Variants in RERE observed in about 807,000 individuals in gnomAD.
RERE encodes the protein arginine-glutamic acid dipeptide repeats, also known as arginine-glutamic acid dipeptide repeats protein.
In RERE, 40 loss-of-function variants were observed where a neutral mutation model predicts 146.1. The ratio of observed to expected loss-of-function variants is 0.27; its 90% confidence interval spans 0.21 to 0.36. RERE has a LOEUF of 0.36. RERE is among the 10% of genes least tolerant of loss of function. The pLI is 1.00. For missense variants in RERE, 1,933 were observed against 2,138.7 expected (o/e 0.90, Z 1.90); for synonymous variants, 1,003 against 866.0 (o/e 1.16, Z -2.78).
chr1:8,777,154 A>T (rs1641079831), intron 1 of RERE, among the ~76,000 whole-genome samples: 2 of 152,350 alleles, frequency 1.3e-5, no homozygotes, highest in South Asian at 4.1e-4. Flanking sequence ...AGAACACGAA[A>T]GAAAGTTATC....
chr1:8,403,988 G>A (rs546646127), intron 12 of RERE, among the ~76,000 whole-genome samples: 1 of 151,622 alleles, frequency 6.6e-6, no homozygotes, highest in African/African-American at 2.4e-5. Context: ...GCGTCACCAC[G>A]TCCAGCTAAT....
chr1:8,685,937 A>T (rs779832410), intron 1 of RERE, among the ~76,000 whole-genome samples: 4 of 152,106 alleles, frequency 2.6e-5, no homozygotes, highest in Non-Finnish European at 5.9e-5. Context: ...GAAGGCAGCT[A>T]AGTAGGTCTG....
intron 12 of RERE, among the ~76,000 whole-genome samples, chr1:8,418,523 A>AGGAGCTGAATTT (rs1643839606): frequency 1.3e-5 from 2 of 152,198 alleles, no homozygotes; most frequent in African/African-American, 4.8e-5. Flanking sequence ...ACTACGACCC[A>AGGAGCTGAATTT]GTGCCAGCTG....
intron 10 of RERE, among the ~76,000 whole-genome samples, chr1:8,485,076 T>C (rs950241360): frequency 1.3e-5 from 2 of 152,106 alleles, no homozygotes; most frequent in Admixed American, 6.6e-5. Context: ...CTATTAAGAA[T>C]GTGGGCCGGA....
intron 1 of RERE, among the ~76,000 whole-genome samples, chr1:8,675,743 A>ATACATACG (rs1297065950): frequency 7.4e-6 from 1 of 134,426 alleles, no homozygotes; most frequent in Non-Finnish European, 1.7e-5. Flanking sequence ...ACATATATAC[A>ATACATACG]TACATACATA....
chr1:8,361,627 T>C (rs1570040601), intron 17 of RERE, 136 bp downstream of exon 17: 2 of 1,367,744 alleles, frequency 1.5e-6, no homozygotes, highest in Non-Finnish European at 2.0e-6. Context: ...GGTCGTGCCC[T>C]GACCCAGCCA....
At chr1:8,694,029 CAA>C (rs144018056) in intron 1 of RERE, among the ~76,000 whole-genome samples, 25 of 120,532 alleles carry the variant, frequency 2.1e-4, no homozygotes, top group Middle Eastern at 4.5e-3. Flanking sequence ...TTTTCTTTCC[CAA>C]AAAAAAAAAA....
chr1:8,663,642 T>C (rs1157442761), intron 1 of RERE, among the ~76,000 whole-genome samples: 1 of 152,194 alleles, frequency 6.6e-6, no homozygotes, highest in African/African-American at 2.4e-5. Context: ...CCACCACTTT[T>C]TTTCATAATA....
intron 2 of RERE, among the ~76,000 whole-genome samples, chr1:8,637,691 C>G (rs1647119391): frequency 6.6e-6 from 1 of 152,212 alleles, no homozygotes; most frequent in Admixed American, 6.5e-5. Context: ...ATTTACCCTT[C>G]AAAGATTATA....
Position 8,360,435 on chromosome 1 carries a change from G to T in RERE, c.3072C>A (p.Gly1024=), listed in dbSNP as rs1169523057. ...GGGGTTGGGGGGCCACCTGGTGGAGGCCTGTAGGGGGGTGGGAGGCAGGGG... is the reference window on the plus strand; with the variant it reads ...GGGGTTGGGGGGCCACCTGGTGGAGTCCTGTAGGGGGGTGGGAGGCAGGGG... The part of the protein sequence containing the change: ...PPPPASHPPT[G]LHQVAPQPPF... Residue 1024 remains glycine (G), a synonymous_variant, in exon 18 of 23, where the codon GGC becomes GGA. Transcript: ENST00000400908. 2.1e-6 allele frequency: 1 copy of T among 484,392 alleles called. No individual in the cohort carries two copies. The highest frequency in any genetic ancestry group is 3.0e-6 in the Non-Finnish European group (1 of 329,838). The allele number at this position is 484,392 out of a possible 1,614,324, so 30.0% of individuals were successfully genotyped here.
chr1:8,550,910 T>A (rs1645927791), intron 6 of RERE, among the ~76,000 whole-genome samples: 1 of 152,208 alleles, frequency 6.6e-6, no homozygotes, highest in Non-Finnish European at 1.5e-5. Context: ...GTGACTAATC[T>A]GTTTCAAGCC....
At chr1:8,395,727 C>T (rs911182735) in intron 12 of RERE, among the ~76,000 whole-genome samples, 12 of 152,120 alleles carry the variant, frequency 7.9e-5, no homozygotes, top group Non-Finnish European at 1.3e-4. Flanking sequence ...ATAAGACATC[C>T]GTGTTTCTAA....
At chr1:8,684,646 A>G (rs1046804450) in intron 1 of RERE, among the ~76,000 whole-genome samples, 3 of 152,246 alleles carry the variant, frequency 2.0e-5, no homozygotes, top group Non-Finnish European at 4.4e-5. Context: ...CCTACAAAGG[A>G]TAATCAAACC....
intron 1 of RERE, among the ~76,000 whole-genome samples, chr1:8,779,166 T>C (rs1459682048): frequency 2.0e-5 from 3 of 152,014 alleles, no homozygotes; most frequent in African/African-American, 4.8e-5. Flanking sequence ...AACAGTTTTA[T>C]GTGTAACATC....
rs192260432 is a variant in RERE at position 8,757,721 on chromosome 1, A to G, written c.-145+59439T>C. 3.3e-5 allele frequency among the ~76,000 whole-genome samples: 5 copies of G among 152,286 alleles called. No individual in the cohort carries two copies. In the East Asian group the frequency reaches 9.6e-4, roughly 29 times the overall value. ...GCCTTTTTTCACTCTAAAGTATTAA[A>G]TTCAACCAAAAAGCCAAACATTCAA... On this transcript the variant is annotated intron_variant, in intron 1 of 22. Transcript: ENST00000400908.
intron 7 of RERE, among the ~76,000 whole-genome samples, chr1:8,531,187 G>A (rs978470189): frequency 1.2e-4 from 18 of 152,052 alleles, no homozygotes; most frequent in Non-Finnish European, 2.2e-4. Context: ...GGGCCCGGGG[G>A]CTCACAAATA....
At chr1:8,709,451 A>G (rs149428158) in intron 1 of RERE, among the ~76,000 whole-genome samples, 2 of 152,164 alleles carry the variant, frequency 1.3e-5, no homozygotes, top group East Asian at 3.9e-4. Flanking sequence ...ATATGGTCCT[A>G]CGGAAAATCC....
chr1:8,622,664 C>T (rs1443837576), intron 3 of RERE, among the ~76,000 whole-genome samples: 2 of 151,938 alleles, frequency 1.3e-5, no homozygotes, highest in South Asian at 2.1e-4. Context: ...AGTTAAAAGC[C>T]GCTTATCAAG....
intron 12 of RERE, among the ~76,000 whole-genome samples, chr1:8,401,017 CAAAAAAAA>C (rs142269202): frequency 1.5e-5 from 1 of 65,142 alleles, no homozygotes; most frequent in African/African-American, 5.8e-5. Flanking sequence ...GACTCTGTCT[CAAAAAAAA>C]AAAAAAAAAA....
Sources: gnomAD v4.1 joint callset for allele counts (sites outside exome capture counted in the v4.1 genomes callset) on GRCh38, gnomAD v4.1.1 for gene constraint, MANE v1.5 for transcripts, NCBI Gene and HGNC (gene_info 2026-07-23, HGNC 2026-07-21) for gene names.